LILRB5: variants seen among roughly 807,000 people sequenced by gnomAD.
The protein encoded by LILRB5 is leukocyte immunoglobulin-like receptor subfamily B member 5.
LILRB5 carries 61 observed loss-of-function variants against 68.4 expected under a neutral mutation model. That is an observed-to-expected ratio of 0.89 (90% CI 0.73 to 1.10). The LOEUF (loss-of-function observed/expected upper bound fraction) is 1.10, where lower values mean the gene tolerates loss of function less well. Among genes scored for constraint, LILRB5 ranks in the 50% least tolerant of loss-of-function variants. LILRB5 has a pLI of 0.00. For missense variants in LILRB5, 771 were observed against 751.6 expected, an observed-to-expected ratio of 1.03 and a Z score of -0.30; for synonymous variants, 356 against 315.8, an observed-to-expected ratio of 1.13 and a Z score of -1.35.
At position 54,251,619 on chromosome 19, in the gene LILRB5, T is replaced by G. The variant is rs533872051; in HGVS notation, c.1629+435A>C. On this transcript the variant is annotated intron_variant, in intron 12 of 12. Transcript: ENST00000449561. ...CACTCCTGGACACGATGCATTTATT[T>G]GCATTTTGTCTCCCACCATGAGGTG... 8.6e-6 allele frequency: 5 copies of G among 581,360 alleles called. No individual in the cohort carries two copies. The East Asian group carries it at 1.2e-4, about 14-fold the overall frequency. 36.0% of individuals were successfully genotyped at this position (581,360 alleles called of 1,614,324 possible).
chr19:54,253,787 T>G, intron 8 of LILRB5: 1 of 1,429,230 alleles, frequency 7.0e-7, no homozygotes, highest in Non-Finnish European at 9.5e-7. Context: ...ACCACGGCCC[T>G]GCTCCCCTCC....
Position 54,251,199 on chromosome 19 carries a change from T to C in LILRB5, c.1630-267A>G. The C allele has an allele frequency of 2.6e-6, 4 of 1,555,938 alleles. No individual in the cohort carries two copies. In the South Asian group the frequency reaches 3.4e-5, roughly 13 times the overall value. ...AGAGAGACAGTGGTGGGGGGTGTCC[T>C]TGAGTCCCCCTGACCTCCTGGAGTC... On this transcript the variant is annotated intron_variant, in intron 12 of 12. Transcript: ENST00000449561.
At position 54,249,428 on chromosome 19, in the gene LILRB5, A is replaced by T. The variant is rs2078883763; in HGVS notation, c.*1358T>A. ...GAATATTATATAAAATAATTAGAAG[A>T]CATAGAAAAATCAGATTTAATGAAC... On this transcript the variant is annotated 3_prime_UTR_variant, in exon 13 of 13. Transcript: ENST00000449561. The T allele has an allele frequency of 6.6e-6, 1 of 152,178 alleles. No individual in the cohort carries two copies. The highest frequency in any genetic ancestry group is 2.4e-5 in the African/African-American group (1 of 41,444). The allele number at this position is 152,178 out of a possible 1,614,324, so 9.4% of individuals were successfully genotyped here. A position where few individuals can be genotyped will look rare whatever the true frequency, so the allele number is the denominator to read the frequency against.
Position 54,249,674 on chromosome 19 carries a change from A to C in LILRB5, c.*1112T>G, listed in dbSNP as rs1051344849. ...ATGTCTAGCAATAGCCCAAGAGGTG[A>C]GTAGCTGAACATTTTATAGAGATGA... On this transcript the variant is annotated 3_prime_UTR_variant, in exon 13 of 13. Coordinates refer to ENST00000449561, the MANE Select transcript of LILRB5 (RefSeq NM_001081442.3). 5.3e-5 allele frequency: 8 copies of C among 152,224 alleles called. No homozygotes were observed. The highest frequency in any genetic ancestry group is 8.8e-5 in the Non-Finnish European group (6 of 68,036). 9.4% of individuals were successfully genotyped at this position (152,224 alleles called of 1,614,324 possible).
Position 54,255,009 on chromosome 19 carries a change from C to T in LILRB5, c.981G>A (p.Ser327=), listed in dbSNP as rs367790575. 1.0e-4 allele frequency: 167 copies of T among 1,611,280 alleles called. No homozygotes were observed. The highest frequency in any genetic ancestry group is 1.3e-4 in the Non-Finnish European group (153 of 1,178,344). Residue 327 remains serine, a synonymous_variant, in exon 6 of 13, where the codon TCG becomes TCA. Coordinates refer to ENST00000449561, the MANE Select transcript of LILRB5 (RefSeq NM_001081442.3). ...AGGCCACCTTGGGGCCCGGCTGCAC[C>T]GAGAGGGCGGGTATGTCAGGGATCA... The part of the protein sequence containing the change: ...AGLIPDIPAL[S]VQPGPKVASG...
At chr19:54,255,780 T>C in intron 4 of LILRB5, 198 bp from the exon 5 acceptor site, 1 of 735,410 alleles carries the variant, frequency 1.4e-6, no homozygotes, top group South Asian at 1.9e-5. Context: ...GGCCACTGTC[T>C]GTCTGGTCTG....
chr19:54,250,180 G>A lies in LILRB5; in HGVS notation c.*606C>T, dbSNP rs2078900566. 1 of 152,896 alleles carries A rather than the reference G, an allele frequency of 6.5e-6. No homozygotes were observed. The highest frequency in any genetic ancestry group is 1.5e-5 in the Non-Finnish European group (1 of 68,572). 9.5% of individuals were successfully genotyped at this position (152,896 alleles called of 1,614,324 possible). On this transcript the variant is annotated 3_prime_UTR_variant, in exon 13 of 13. Transcript: ENST00000449561. ...AGGCAATATGTGTCAGATTTGTGGTGGTGTCTGCTGTTTCACCCCCATATG... is the reference window on the plus strand; with the variant it reads ...AGGCAATATGTGTCAGATTTGTGGTAGTGTCTGCTGTTTCACCCCCATATG...
chr19:54,251,735 C>G, intron 12 of LILRB5: 1 of 660,544 alleles, frequency 1.5e-6, no homozygotes, highest in South Asian at 1.5e-5. Flanking sequence ...GGAACACTCG[C>G]TGGTTGAATG....
chr19:54,254,707 T>C (rs1216978628), intron 6 of LILRB5, 28 bp downstream of exon 6: 1 of 1,612,464 alleles, frequency 6.2e-7, no homozygotes, highest in Non-Finnish European at 8.5e-7. Flanking sequence ...GCCTTTGAGC[T>C]TGGACAGGAC....
Position 54,250,486 on chromosome 19 carries a change from A to G in LILRB5, c.*300T>C, listed in dbSNP as rs1055886613. The G allele has an allele frequency of 2.6e-6, 1 of 377,448 alleles. No homozygotes were observed. Among genetic ancestry groups the G allele is most frequent in the Non-Finnish European group, 4.7e-6 (1 of 211,480 alleles). 23.4% of individuals were successfully genotyped at this position (377,448 alleles called of 1,614,324 possible). A position where few individuals can be genotyped will look rare whatever the true frequency, so the allele number is the denominator to read the frequency against. On this transcript the variant is annotated 3_prime_UTR_variant, in exon 13 of 13. Transcript: ENST00000449561. ...TCATTTGTAGTTTTCCGATTTCATC[A>G]TTTAATGTGTAATATTTACATTATC... is the stretch of plus-strand genomic sequence containing the variant.
At chr19:54,255,994 C>A (rs753165613) in intron 4 of LILRB5, 49 bp downstream of exon 4, 3 of 1,435,920 alleles carry the variant, frequency 2.1e-6, no homozygotes, top group South Asian at 2.8e-5. Context: ...CTCCCAACAA[C>A]CTATCTGGTT....
intron 9 of LILRB5, 57 bp from the exon 10 acceptor site, chr19:54,252,606 A>C: frequency 1.3e-6 from 2 of 1,587,988 alleles, no homozygotes; most frequent in South Asian, 1.1e-5. Context: ...GCTGCCCTGC[A>C]CACACAACTC....
At position 54,254,413 on chromosome 19, in the gene LILRB5, G is replaced by T; in HGVS notation, c.1258C>A (p.Pro420Thr). ...SYPQELVVSG[P>T]SGDPSLSPTG... ...GGTGAGAGGCTGGGATCCCCAGAGG[G>T]TCCTGGGAATAAGCACAGAAAGGGA... The change falls in exon 7 of 13, where the codon CCC becomes ACC. Residue 420 changes from proline to threonine, a missense_variant and splice_region_variant. Coordinates refer to ENST00000449561, the MANE Select transcript of LILRB5 (RefSeq NM_001081442.3). 6.3e-7 allele frequency: 1 copy of T among 1,583,880 alleles called. No homozygotes were observed. Among genetic ancestry groups the T allele is most frequent in the Non-Finnish European group, 8.6e-7 (1 of 1,165,072 alleles).
In LILRB5 at chr19:54,252,422, G is replaced by T. The variant is rs1459622225; in HGVS notation, c.1539-19C>A. 1.2e-6 allele frequency: 2 copies of T among 1,614,174 alleles called. No individual in the cohort carries two copies. Among genetic ancestry groups the T allele is most frequent in the Admixed American group, 3.3e-5 (2 of 60,026 alleles). ...GCTGGCCCTGGGGGAGGACACGGGA[G>T]TGTGAGGGGCAGTGAGGGGGCTGTG... On this transcript the variant is annotated intron_variant, in intron 10 of 12. Coordinates refer to ENST00000449561, the MANE Select transcript of LILRB5 (RefSeq NM_001081442.3).
At chr19:54,253,731 C>T in intron 8 of LILRB5, 1 of 1,132,992 alleles carries the variant, frequency 8.8e-7, no homozygotes, top group Non-Finnish European at 1.3e-6. Context: ...TTCTCTGCAC[C>T]TGAGCGGAGC....
intron 8 of LILRB5, chr19:54,253,741 C>A (rs1381973485): frequency 2.5e-6 from 3 of 1,183,308 alleles, no homozygotes; most frequent in Non-Finnish European, 3.7e-6. Flanking sequence ...CTGAGCGGAG[C>A]CCCGGAGCTG....
At chr19:54,251,224 C>T in intron 12 of LILRB5, 2 of 1,271,036 alleles carry the variant, frequency 1.6e-6, no homozygotes, top group Non-Finnish European at 2.2e-6. Context: ...CTCCTGGAGT[C>T]AATTTTCCTC....
intron 3 of LILRB5, 73 bp from the exon 4 acceptor site, chr19:54,256,415 G>A: frequency 1.9e-6 from 3 of 1,593,810 alleles, no homozygotes; most frequent in Non-Finnish European, 2.6e-6. Flanking sequence ...GGCTGTGAGA[G>A]GTAGACGTCC....
chr19:54,256,985 C>G lies in LILRB5; in HGVS notation c.46G>C (p.Gly16Arg). 6.2e-7 allele frequency: 1 copy of G among 1,614,208 alleles called. No homozygotes were observed. The change falls in exon 2 of 13, where the codon GGC becomes CGC. Residue 16 changes from glycine (G) to arginine (R), a missense_variant. Physicochemically the swap from Gly to Arg is moderately radical, Grantham distance 125. Transcript: ENST00000449561. ...CCTGCCTGCACGCAGGTCCTGGGGC[C>G]CACACTCAGCCCTGGAAGAGAGTTC... is the stretch of plus-strand genomic sequence containing the variant. ...SVLICLGLSV[G>R]PRTCVQAGTL...
Sources: gnomAD v4.1 joint callset for allele counts on GRCh38, gnomAD v4.1.1 for gene constraint, MANE v1.5 for transcripts, NCBI Gene and HGNC (gene_info 2026-07-23, HGNC 2026-07-21) for gene names.